The following SLC9C2 variants were observed in gnomAD, a reference collection of about 807,000 sequenced individuals.
SLC9C2 encodes solute carrier family 9 member C2 (putative), also known as sodium/hydrogen exchanger 11.
Under a neutral mutation model 140.2 loss-of-function variants are expected in SLC9C2, and 75 were observed. The ratio of observed to expected loss-of-function variants is 0.53; its 90% CI spans 0.44 to 0.65. The LOEUF (loss-of-function observed/expected upper bound fraction) is 0.65, where lower values mean the gene tolerates loss of function less well. Among genes scored for constraint, SLC9C2 ranks in the 30% least tolerant of loss-of-function variants. The pLI, the probability that SLC9C2 is intolerant of heterozygous loss-of-function variation, is 0.00. For missense variants in SLC9C2, 1,074 were observed against 1,331.8 expected, an observed-to-expected ratio of 0.81 and a Z score of 3.01; for synonymous variants, 375 against 420.9, an observed-to-expected ratio of 0.89 and a Z score of 1.34.
rs560159034 is a variant in SLC9C2, at chr1:173,537,557, G to A, written c.1558-518C>T. Among the ~76,000 whole-genome samples, 194 of 151,790 alleles carry A rather than the reference G, an allele frequency of 1.3e-3. 2 individuals carry two copies. The highest frequency in any genetic ancestry group is 4.4e-3 in the African/African-American group (183 of 41,348). On this transcript the variant is annotated intron_variant, in intron 13 of 27. Transcript: ENST00000367714. Reference sequence around the variant, plus strand: ...AGTCTGGGCAACAGAGCAAGACTCCGTCTCAAAAATTTATATGTGTGTGTG... The same window carrying A: ...AGTCTGGGCAACAGAGCAAGACTCCATCTCAAAAATTTATATGTGTGTGTG...
At chr1:173,548,828 G>T (rs528360989) in intron 11 of SLC9C2, among the ~76,000 whole-genome samples, 4 of 152,166 alleles carry the variant, frequency 2.6e-5, no homozygotes, top group Non-Finnish European at 5.9e-5. Context: ...CTACTTCAAC[G>T]CACCTAATCC....
rs2102218072 is a variant in SLC9C2 at position 173,581,998 on chromosome 1, T to C, written c.651A>G (p.Val217=). The C allele has an allele frequency of 1.3e-6, 2 of 1,537,700 alleles. No individual in the cohort carries two copies. Among genetic ancestry groups the C allele is most frequent in the East Asian group, 2.3e-5 (1 of 43,752 alleles). Residue 217 remains valine, a synonymous_variant, in exon 7 of 28, where the codon GTA becomes GTG. Transcript: ENST00000367714. ...IHFSIFRDLH[V]GIELSYDILG... ...AAATGTCATAGCTGAGTTCAATGCC[T>C]ACATGTAAATCTAAAAAAAAGAAAG...
At position 173,601,793 on chromosome 1, in the gene SLC9C2, C is replaced by G; in HGVS notation, c.-17G>C. ...AGAACTCATTTTTGCTGCTGCTTTT[C>G]CCCAGACCTAACTTGATGGAGTGGT... On this transcript the variant is annotated 5_prime_UTR_variant, in exon 2 of 28. Coordinates refer to ENST00000367714, the MANE Select transcript of SLC9C2 (RefSeq NM_178527.4). 3 of 1,613,422 alleles carry G rather than the reference C, an allele frequency of 1.9e-6. No homozygotes were observed. The South Asian group carries it at 3.3e-5, about 18-fold the overall frequency.
Position 173,533,610 on chromosome 1 carries a change from T to C in SLC9C2, c.2162A>G (p.Lys721Arg). Reference sequence around the variant, plus strand: ...ATATTTTAAAATGTGAAATCTTACCTTGAAGAGAGGAAGAAACCTAATTAT... The same window carrying C: ...ATATTTTAAAATGTGAAATCTTACCCTGAAGAGAGGAAGAAACCTAATTAT... ...LRIIRFLPLF[K>R]IIVPILIRIA... The change falls in exon 17 of 28, where the codon AAG becomes AGG. Residue 721 changes from lysine to arginine, a missense_variant and splice_region_variant. Lys to Arg is a conservative substitution (Grantham distance 26). Coordinates refer to ENST00000367714, the MANE Select transcript of SLC9C2 (RefSeq NM_178527.4). The C allele has an allele frequency of 6.3e-7, 1 of 1,581,684 alleles. No individual in the cohort carries two copies. Among genetic ancestry groups the C allele is most frequent in the Non-Finnish European group, 8.6e-7 (1 of 1,160,214 alleles).
intron 4 of SLC9C2, among the ~76,000 whole-genome samples, chr1:173,593,999 C>T (rs1184548364): frequency 6.6e-6 from 1 of 152,018 alleles, no homozygotes; most frequent in African/African-American, 2.4e-5. Context: ...CTGTACAGAA[C>T]ACCAAAGAAA....
chr1:173,544,083 G>A (rs1410995813), intron 13 of SLC9C2, among the ~76,000 whole-genome samples: 1 of 152,104 alleles, frequency 6.6e-6, no homozygotes, highest in Non-Finnish European at 1.5e-5. Context: ...TACAGAATGG[G>A]AGAAAGTTTT....
chr1:173,552,335 TTTTCAATGTAGA>T (rs1349493876), intron 11 of SLC9C2, among the ~76,000 whole-genome samples: 2 of 152,178 alleles, frequency 1.3e-5, no homozygotes, highest in Non-Finnish European at 2.9e-5. Flanking sequence ...ATGAAGGTGA[TTTTCAATGTAGA>T]TTTCAATGTA....
In SLC9C2 at chr1:173,506,942, C is replaced by G; in HGVS notation, c.3139G>C (p.Val1047Leu). ...MIIDNMTMKF[V>L]IIVYGSVIDT... ...ATTACACTGCCATACACAATGATAACAAATTTCATGGTCATATTATCAATA... is the reference window on the plus strand; with the variant it reads ...ATTACACTGCCATACACAATGATAAGAAATTTCATGGTCATATTATCAATA... Residue 1047 changes from valine (V) to leucine (L), a missense_variant, in exon 25 of 28, where the codon GTT becomes CTT. By Grantham distance (32) the Val-to-Leu change is conservative (BLOSUM62 1). Transcript: ENST00000367714. The G allele has an allele frequency of 6.2e-7, 1 of 1,613,478 alleles. No individual in the cohort carries two copies. The highest frequency in any genetic ancestry group is 1.1e-5 in the South Asian group (1 of 90,940).
At chr1:173,502,475 A>G (rs1025936176) in intron 27 of SLC9C2, among the ~76,000 whole-genome samples, 4 of 152,010 alleles carry the variant, frequency 2.6e-5, no homozygotes, top group African/African-American at 2.4e-5. Context: ...CCCAAACAGG[A>G]GCCCTAATAG....
intron 11 of SLC9C2, among the ~76,000 whole-genome samples, chr1:173,554,113 G>A (rs1663504807): frequency 6.6e-6 from 1 of 152,220 alleles, no homozygotes; most frequent in Non-Finnish European, 1.5e-5. Flanking sequence ...AGAGCCTGCT[G>A]TTATCTCCCA....
chr1:173,518,591 A>T (rs1442226790), intron 22 of SLC9C2, among the ~76,000 whole-genome samples: 2 of 152,212 alleles, frequency 1.3e-5, no homozygotes, highest in Non-Finnish European at 2.9e-5. Flanking sequence ...GAACCGCGGT[A>T]TCAGATTTTA....
chr1:173,590,132 G>T lies in SLC9C2; in HGVS notation c.358-2302C>A, dbSNP rs1571627741. Among the ~76,000 whole-genome samples the T allele has an allele frequency of 2.6e-5, 4 of 151,638 alleles. No individual in the cohort carries two copies. The East Asian group carries it at 7.7e-4, about 29-fold the overall frequency. ...GTGGCGGATGCCTGTAATCCTAGCT[G>T]CTCAGGAGGCTGAGGCAGGAGAATT... On this transcript the variant is annotated intron_variant, in intron 4 of 27. Transcript: ENST00000367714.
intron 8 of SLC9C2, among the ~76,000 whole-genome samples, chr1:173,574,108 G>A (rs1042713172): frequency 2.0e-5 from 3 of 149,096 alleles, no homozygotes; most frequent in African/African-American, 7.3e-5. Context: ...ATGGTTCCAT[G>A]TGGTAGCACG....
At chr1:173,577,028 T>C (rs1377153156) in intron 7 of SLC9C2, among the ~76,000 whole-genome samples, 1 of 152,222 alleles carries the variant, frequency 6.6e-6, no homozygotes, top group Non-Finnish European at 1.5e-5. Flanking sequence ...AAAGCAGCCA[T>C]AGATAATATG....
intron 10 of SLC9C2, 142 bp from the exon 11 acceptor site, chr1:173,554,956 AGGC>A: frequency 1.6e-6 from 1 of 619,656 alleles, no homozygotes; most frequent in Non-Finnish European, 2.8e-6. Flanking sequence ...AAGTCAGTTA[AGGC>A]AAAAAGGCAG....
At chr1:173,539,740 G>T (rs763274433) in intron 13 of SLC9C2, among the ~76,000 whole-genome samples, 1 of 152,164 alleles carries the variant, frequency 6.6e-6, no homozygotes, top group Non-Finnish European at 1.5e-5. Flanking sequence ...GTTAAAAAGA[G>T]TTCATAGAGG....
chr1:173,560,827 C>T (rs562883668), intron 9 of SLC9C2, among the ~76,000 whole-genome samples: 1 of 152,182 alleles, frequency 6.6e-6, no homozygotes, highest in South Asian at 2.1e-4. Context: ...GACAGAGTCT[C>T]ACTCTATCAC....
intron 24 of SLC9C2, 22 bp from the exon 25 acceptor site, chr1:173,507,063 G>A: frequency 6.6e-7 from 1 of 1,513,978 alleles, no homozygotes. Flanking sequence ...TTGCATTTTA[G>A]AAAATAAGTC....
rs556953838 is a variant in SLC9C2, at chr1:173,579,040, T to C, written c.803-2280A>G. On this transcript the variant is annotated intron_variant, in intron 7 of 27. Coordinates refer to ENST00000367714, the MANE Select transcript of SLC9C2 (RefSeq NM_178527.4). ...GCTGCCTTGAAGCTACAAAGAATTGTTGGTTGAAATCAGTATATATAGCAC... is the reference window on the plus strand; with the variant it reads ...GCTGCCTTGAAGCTACAAAGAATTGCTGGTTGAAATCAGTATATATAGCAC... Among the ~76,000 whole-genome samples, 20 of 152,312 alleles carry C rather than the reference T, an allele frequency of 1.3e-4. No homozygotes were observed. In the South Asian group the frequency reaches 3.9e-3, roughly 30 times the overall value.
Sources: allele counts gnomAD v4.1 joint callset (sites outside exome capture counted in the v4.1 genomes callset), GRCh38; gene constraint gnomAD v4.1.1; transcripts MANE v1.5; gene names NCBI Gene and HGNC (gene_info 2026-07-23, HGNC 2026-07-21).